The following TAF8 variants were observed in gnomAD, a reference collection of about 807,000 sequenced individuals.
The protein encoded by TAF8 is TATA-box binding protein associated factor 8, also known as transcription initiation factor TFIID subunit 8.
In TAF8, 47 loss-of-function variants were observed where a neutral mutation model predicts 36.5. That is an observed-to-expected ratio of 1.29 (90% CI 1.02 to 1.64). TAF8 has a LOEUF of 1.64. Among genes scored for constraint, TAF8 ranks in the 40% most tolerant of loss-of-function variants. The pLI, the probability that TAF8 is intolerant of heterozygous loss-of-function variation, is 0.00. For synonymous variants in TAF8, 175 were observed against 159.5 expected, an observed-to-expected ratio of 1.10 and a Z score of -0.73; for missense variants, 420 against 407.6, an observed-to-expected ratio of 1.03 and a Z score of -0.26.
intron 7 of TAF8, among the ~76,000 whole-genome samples, chr6:42,074,628 G>A (rs918493434): frequency 3.9e-5 from 6 of 152,056 alleles, no homozygotes; most frequent in Admixed American, 2.0e-4. Flanking sequence ...TCCAACTCCC[G>A]GGTTCAAGCG....
At chr6:42,085,593 C>A (rs1229790396), downstream of TAF8, among the ~76,000 whole-genome samples, 1 of 151,902 alleles carries the variant, frequency 6.6e-6, no homozygotes, top group Non-Finnish European at 1.5e-5. Context: ...GAGGCTGAGG[C>A]AGGAGGATCA....
chr6:42,063,451 T>C (rs1200737048), intron 5 of TAF8: 1 of 152,208 alleles, frequency 6.6e-6, no homozygotes, highest in African/African-American at 2.4e-5. Context: ...CTTATTTATG[T>C]GAATATTATA....
At chr6:42,074,388 G>C (rs879943812) in intron 7 of TAF8, among the ~76,000 whole-genome samples, 35 of 152,298 alleles carry the variant, frequency 2.3e-4, no homozygotes, top group African/African-American at 7.9e-4. Context: ...AGCTGTTGGC[G>C]TAGAGATGGC....
At position 42,076,793 on chromosome 6, in the gene TAF8, G is replaced by C. The variant is rs149336162; in HGVS notation, c.781-307G>C. On this transcript the variant is annotated intron_variant, in intron 7 of 8. Coordinates refer to ENST00000372977, the MANE Select transcript of TAF8 (RefSeq NM_138572.3). ...GCCGGGCATCCTCCCTGAGGCATCT[G>C]AATTTGATTCCTGTCCCTCCCAGGT... is the stretch of plus-strand genomic sequence containing the variant. 7.5e-4 allele frequency among the ~76,000 whole-genome samples: 114 copies of C among 152,246 alleles called. No individual in the cohort carries two copies. The South Asian group carries it at 0.014, about 19-fold the overall frequency.
chr6:42,084,309 T>A (rs1000120799), downstream of TAF8, among the ~76,000 whole-genome samples: 4 of 152,146 alleles, frequency 2.6e-5, no homozygotes, highest in Non-Finnish European at 5.9e-5. Flanking sequence ...CAAATTCATT[T>A]GCTGAGCACC....
chr6:42,051,627 GA>G (rs1186785446), intron 2 of TAF8, 114 bp downstream of exon 2: 111 of 1,321,084 alleles, frequency 8.4e-5, no homozygotes, highest in Non-Finnish European at 9.6e-5. Context: ...TAAGAGGGGA[GA>G]AAAAAAATTT....
rs1251425207 is a variant in TAF8, at chr6:42,080,791, T to G, written c.*3246T>G. ...AATTCTCAATGTGTATTTATAAATT[T>G]CTATTTTTTATAACTTTATGGGACT... On this transcript the variant is annotated 3_prime_UTR_variant, in exon 9 of 9. Coordinates refer to ENST00000372977, the MANE Select transcript of TAF8 (RefSeq NM_138572.3). The G allele has an allele frequency of 3.1e-6, 3 of 979,980 alleles. No homozygotes were observed. The African/African-American group carries it at 5.3e-5, about 17-fold the overall frequency. The allele number at this position is 979,980 out of a possible 1,614,324, so 60.7% of individuals were successfully genotyped here.
rs1765849773 is a variant in TAF8, at chr6:42,079,232, G to A, written c.*1687G>A. 3 of 985,534 alleles carry A rather than the reference G, an allele frequency of 3.0e-6. No homozygotes were observed. In the African/African-American group the frequency reaches 5.2e-5, roughly 17 times the overall value. 61.0% of individuals were successfully genotyped at this position (985,534 alleles called of 1,614,324 possible). A position where few individuals can be genotyped will look rare whatever the true frequency, so the allele number is the denominator to read the frequency against. Reference sequence around the variant, plus strand: ...TATTCTGAAAGCTGAGAAACGGCTGGTCAGCTGGAAGGCTGGTGGATGGGC... The same window carrying A: ...TATTCTGAAAGCTGAGAAACGGCTGATCAGCTGGAAGGCTGGTGGATGGGC... On this transcript the variant is annotated 3_prime_UTR_variant, in exon 9 of 9. Transcript: ENST00000372977.
At chr6:42,063,659 G>A (rs1765259920) in intron 5 of TAF8, 1 of 152,010 alleles carries the variant, frequency 6.6e-6, no homozygotes, top group African/African-American at 2.4e-5. Flanking sequence ...CAGGTTTTTT[G>A]TCTTTCTGTG....
chr6:42,065,014 T>C (rs1765313934), intron 5 of TAF8, among the ~76,000 whole-genome samples: 1 of 150,250 alleles, frequency 6.7e-6, no homozygotes, highest in South Asian at 2.1e-4. Flanking sequence ...GTTACTTTAT[T>C]GGTCGTTGTT....
chr6:42,056,526 A>G (rs953806751), intron 4 of TAF8, among the ~76,000 whole-genome samples: 10 of 152,120 alleles, frequency 6.6e-5, no homozygotes, highest in Admixed American at 4.6e-4. Flanking sequence ...ACTTTAAGTA[A>G]ACCTGGGTGC....
chr6:42,080,239 A>G lies in TAF8; in HGVS notation c.*2694A>G. ...GTGTTGTCCCAGTCAGTGTTTCTGCAGCTTCCATTTGTTGTTGTTATCCAG... is the reference window on the plus strand; with the variant it reads ...GTGTTGTCCCAGTCAGTGTTTCTGCGGCTTCCATTTGTTGTTGTTATCCAG... On this transcript the variant is annotated 3_prime_UTR_variant, in exon 9 of 9. Coordinates refer to ENST00000372977, the MANE Select transcript of TAF8 (RefSeq NM_138572.3). 1 of 985,526 alleles carries G rather than the reference A, an allele frequency of 1.0e-6. No homozygotes were observed. Among genetic ancestry groups the G allele is most frequent in the Non-Finnish European group, 1.2e-6 (1 of 830,036 alleles). 61.0% of individuals were successfully genotyped at this position (985,526 alleles called of 1,614,324 possible).
rs747959589 is a variant in TAF8, at chr6:42,080,972, C to T, written c.*3427C>T. 48 of 985,176 alleles carry T rather than the reference C, an allele frequency of 4.9e-5. No homozygotes were observed. Among genetic ancestry groups the T allele is most frequent in the Non-Finnish European group, 5.5e-5 (46 of 829,868 alleles). The allele number at this position is 985,176 out of a possible 1,614,324, so 61.0% of individuals were successfully genotyped here. A position where few individuals can be genotyped will look rare whatever the true frequency, so the allele number is the denominator to read the frequency against. On this transcript the variant is annotated 3_prime_UTR_variant, in exon 9 of 9. Transcript: ENST00000372977. ...CAGCAATGTGGACAAATAAGTCAGGCTTAGCCCTTGTGTTGGCCTAAGCAC... is the reference window on the plus strand; with the variant it reads ...CAGCAATGTGGACAAATAAGTCAGGTTTAGCCCTTGTGTTGGCCTAAGCAC...
rs755587766 is a variant in TAF8, at chr6:42,057,515, T to G, written c.489+2T>G. On this transcript the variant is annotated splice_donor_variant, in intron 5 of 8. Coordinates refer to ENST00000372977, the MANE Select transcript of TAF8 (RefSeq NM_138572.3). LOFTEE classifies it high-confidence loss of function. The stretch of plus-strand genomic sequence containing the variant: ...CCCCACACCTACATCAAAACTCCGG[T>G]GAGTGATGAAGCACTGGGACTGCGC... 6.2e-7 allele frequency: 1 copy of G among 1,614,090 alleles called. No individual in the cohort carries two copies. Among genetic ancestry groups the G allele is most frequent in the Non-Finnish European group, 8.5e-7 (1 of 1,180,010 alleles).
In TAF8 at chr6:42,077,882, G is replaced by A. The variant is rs932860719; in HGVS notation, c.*337G>A. The A allele has an allele frequency of 1.8e-5, 9 of 498,706 alleles. No individual in the cohort carries two copies. The highest frequency in any genetic ancestry group is 4.2e-5 in the African/African-American group (2 of 48,116). The allele number at this position is 498,706 out of a possible 1,614,324, so 30.9% of individuals were successfully genotyped here. ...AGTGATTCTCCTGCCTTGGCCTCCCGAGTAGCTGGGACTAGAGGCAAGCGC... is the reference window on the plus strand; with the variant it reads ...AGTGATTCTCCTGCCTTGGCCTCCCAAGTAGCTGGGACTAGAGGCAAGCGC... On this transcript the variant is annotated 3_prime_UTR_variant, in exon 9 of 9. Coordinates refer to ENST00000372977, the MANE Select transcript of TAF8 (RefSeq NM_138572.3).
chr6:42,080,319 G>A lies in TAF8; in HGVS notation c.*2774G>A. The A allele has an allele frequency of 1.0e-6, 1 of 988,278 alleles. No individual in the cohort carries two copies. The highest frequency in any genetic ancestry group is 1.2e-6 in the Non-Finnish European group (1 of 831,816). 61.2% of individuals were successfully genotyped at this position (988,278 alleles called of 1,614,324 possible). A position where few individuals can be genotyped will look rare whatever the true frequency, so the allele number is the denominator to read the frequency against. ...GAGTTAGAGGTGGGATTTGGAAAAGGGCTGCTATTTCTGCTGTTGAGATTT... is the reference window on the plus strand; with the variant it reads ...GAGTTAGAGGTGGGATTTGGAAAAGAGCTGCTATTTCTGCTGTTGAGATTT... On this transcript the variant is annotated 3_prime_UTR_variant, in exon 9 of 9. Transcript: ENST00000372977.
At position 42,072,675 on chromosome 6, in the gene TAF8, C is replaced by T. The variant is rs1399510082; in HGVS notation, c.780+4068C>T. 2.0e-5 allele frequency among the ~76,000 whole-genome samples: 3 copies of T among 151,912 alleles called. No individual in the cohort carries two copies. In the South Asian group the frequency reaches 6.2e-4, roughly 32 times the overall value. Reference sequence around the variant, plus strand: ...CATGAACACTTAGGTTGTTTTCTGTCTTTACCATTTACAGACATTGTTATA... The same window carrying T: ...CATGAACACTTAGGTTGTTTTCTGTTTTTACCATTTACAGACATTGTTATA... On this transcript the variant is annotated intron_variant, in intron 7 of 8. Coordinates refer to ENST00000372977, the MANE Select transcript of TAF8 (RefSeq NM_138572.3).
chr6:42,068,378 C>A, intron 6 of TAF8, 87 bp from the exon 7 acceptor site: 2 of 1,455,258 alleles, frequency 1.4e-6, no homozygotes, highest in South Asian at 1.2e-5. Context: ...TGGTGCTGCT[C>A]ACTGATTTGT....
intron 7 of TAF8, among the ~76,000 whole-genome samples, chr6:42,074,971 G>C (rs980216606): frequency 6.6e-6 from 1 of 152,004 alleles, no homozygotes; most frequent in African/African-American, 2.4e-5. Flanking sequence ...TGTGAGCCAC[G>C]GTGGGCCGAA....
Sources: gnomAD v4.1 joint callset for allele counts (sites outside exome capture counted in the v4.1 genomes callset) on GRCh38, gnomAD v4.1.1 for gene constraint, MANE v1.5 for transcripts, NCBI Gene and HGNC (gene_info 2026-07-23, HGNC 2026-07-21) for gene names.